The following CUEDC1 variants were observed in gnomAD, a reference collection of about 807,000 sequenced individuals.
CUEDC1 encodes CUE domain containing 1.
In CUEDC1, 30 loss-of-function variants were observed where a neutral mutation model predicts 43.7. The ratio of observed to expected loss-of-function variants is 0.69; its 90% confidence interval spans 0.51 to 0.93. The LOEUF is 0.93. CUEDC1 is among the 40% of genes least tolerant of loss of function. CUEDC1 has a pLI of 0.00. For synonymous variants in CUEDC1, 223 were observed against 223.6 expected (o/e 1.00, Z 0.02); for missense variants, 486 against 549.0 (o/e 0.89, Z 1.15).
At chr17:57,884,729 C>T (rs1240168001) in intron 2 of CUEDC1, among the ~76,000 whole-genome samples, 1 of 152,254 alleles carries the variant, frequency 6.6e-6, no homozygotes, top group Non-Finnish European at 1.5e-5. Context: ...TCTGGGAAGT[C>T]ACTCCTTTCT....
At chr17:57,867,538 C>T in intron 8 of CUEDC1, 123 bp from the exon 9 acceptor site, 1 of 833,272 alleles carries the variant, frequency 1.2e-6, no homozygotes, top group South Asian at 1.5e-5. Context: ...CCCACCTGAC[C>T]CCCCACACCC....
At chr17:57,891,626 A>C (rs1321692416) in intron 1 of CUEDC1, among the ~76,000 whole-genome samples, 1 of 152,224 alleles carries the variant, frequency 6.6e-6, no homozygotes, top group Non-Finnish European at 1.5e-5. Context: ...GTGCACGCAC[A>C]CATACAGACA....
At chr17:57,867,266 G>T in intron 9 of CUEDC1, 91 bp downstream of exon 9, 3 of 1,204,700 alleles carry the variant, frequency 2.5e-6, no homozygotes, top group Non-Finnish European at 3.6e-6. Context: ...CCAGGGGACA[G>T]GGCGGGTGCT....
At chr17:57,932,351 C>T (rs935818809) in intron 1 of CUEDC1, among the ~76,000 whole-genome samples, 2 of 150,256 alleles carry the variant, frequency 1.3e-5, no homozygotes, top group South Asian at 2.1e-4. Flanking sequence ...TTCAGGAGGC[C>T]GAGATGGGCA....
intron 2 of CUEDC1, among the ~76,000 whole-genome samples, chr17:57,881,113 G>A (rs2074198455): frequency 6.6e-6 from 1 of 152,218 alleles, no homozygotes; most frequent in African/African-American, 2.4e-5. Flanking sequence ...GCCATGCCCA[G>A]CACACACAGC....
chr17:57,865,629 T>G (rs1446280903), intron 10 of CUEDC1, among the ~76,000 whole-genome samples: 1 of 152,024 alleles, frequency 6.6e-6, no homozygotes, highest in African/African-American at 2.4e-5. Flanking sequence ...ATTTTCTTTT[T>G]CTCCCCAAGA....
chr17:57,876,273 C>A (rs968304163), intron 3 of CUEDC1, among the ~76,000 whole-genome samples: 1 of 152,170 alleles, frequency 6.6e-6, no homozygotes, highest in South Asian at 2.1e-4. Context: ...CCTCACCCGC[C>A]GTTAGGTACT....
intron 1 of CUEDC1, among the ~76,000 whole-genome samples, chr17:57,921,177 T>C (rs1170837134): frequency 6.6e-6 from 1 of 152,222 alleles, no homozygotes; most frequent in Admixed American, 6.5e-5. Context: ...CAGTCCAGAC[T>C]CTGCCCCTGA....
intron 1 of CUEDC1, among the ~76,000 whole-genome samples, chr17:57,894,749 G>A (rs1432188520): frequency 6.6e-6 from 1 of 152,174 alleles, no homozygotes; most frequent in African/African-American, 2.4e-5. Flanking sequence ...CAACACTTGT[G>A]GCCAAGTCTG....
intron 1 of CUEDC1, among the ~76,000 whole-genome samples, chr17:57,934,386 C>T (rs932409513): frequency 4.6e-5 from 7 of 151,112 alleles, no homozygotes; most frequent in Non-Finnish European, 8.9e-5. Flanking sequence ...AGCAAGACTC[C>T]GTCTCAAAAA....
In CUEDC1 at chr17:57,861,978, C is replaced by T. The variant is rs1198990211; in HGVS notation, c.*1311G>A. On this transcript the variant is annotated 3_prime_UTR_variant, in exon 11 of 11. Transcript: ENST00000577830. The stretch of plus-strand genomic sequence containing the variant: ...CTCCCCAAGCTCGGCGTTGCGAGTC[C>T]GGGCAGGGTGGGCGGGACGAGGTGC... 1.3e-5 allele frequency: 2 copies of T among 151,392 alleles called. No individual in the cohort carries two copies. Among genetic ancestry groups the T allele is most frequent in the Non-Finnish European group, 2.9e-5 (2 of 67,844 alleles). The allele number at this position is 151,392 out of a possible 1,614,324, so 9.4% of individuals were successfully genotyped here.
chr17:57,885,573 G>C lies in CUEDC1; in HGVS notation c.-9C>G. 1 of 1,348,160 alleles carries C rather than the reference G, an allele frequency of 7.4e-7. No individual in the cohort carries two copies. The highest frequency in any genetic ancestry group is 3.1e-5 in the East Asian group (1 of 32,534). 83.5% of individuals were successfully genotyped at this position (1,348,160 alleles called of 1,614,324 possible). A position where few individuals can be genotyped will look rare whatever the true frequency, so the allele number is the denominator to read the frequency against. ...CGGAACAGGCTGGTCATTTTGCGGAGCCGCTTGGGGAAAATGTTTCTAGCC... is the reference window on the plus strand; with the variant it reads ...CGGAACAGGCTGGTCATTTTGCGGACCCGCTTGGGGAAAATGTTTCTAGCC... On this transcript the variant is annotated 5_prime_UTR_variant, in exon 2 of 11. Coordinates refer to ENST00000577830, the MANE Select transcript of CUEDC1 (RefSeq NM_001271875.2).
chr17:57,914,610 G>C (rs931793567), intron 1 of CUEDC1, among the ~76,000 whole-genome samples: 10 of 152,190 alleles, frequency 6.6e-5, no homozygotes, highest in African/African-American at 2.4e-5. Context: ...TTAGAAAAGG[G>C]ACAGGGATAA....
At chr17:57,905,497 T>C (rs1242595099) in intron 1 of CUEDC1, among the ~76,000 whole-genome samples, 1 of 152,216 alleles carries the variant, frequency 6.6e-6, no homozygotes, top group African/African-American at 2.4e-5. Context: ...AAGATGGCTC[T>C]GGGCTGGAGG....
At chr17:57,944,198 T>TTATATA (rs201089332) in intron 1 of CUEDC1, among the ~76,000 whole-genome samples, 2 of 144,702 alleles carry the variant, frequency 1.4e-5, no homozygotes, top group Admixed American at 6.8e-5. Context: ...ATTTATTTTT[T>TTATATA]TATATATATA....
chr17:57,866,121 C>A (rs112699920), intron 10 of CUEDC1, among the ~76,000 whole-genome samples: 7 of 152,278 alleles, frequency 4.6e-5, no homozygotes, highest in Non-Finnish European at 7.4e-5. Context: ...CCGTGCCCAG[C>A]CAGTTTTTCT....
At chr17:57,920,348 C>T (rs1390411429) in intron 1 of CUEDC1, among the ~76,000 whole-genome samples, 1 of 152,186 alleles carries the variant, frequency 6.6e-6, no homozygotes, top group African/African-American at 2.4e-5. Context: ...AACCTCTAGT[C>T]TGGCTAATTT....
At chr17:57,873,763 C>T in intron 3 of CUEDC1, 46 bp from the exon 4 acceptor site, 1 of 1,496,538 alleles carries the variant, frequency 6.7e-7, no homozygotes, top group Non-Finnish European at 8.9e-7. Context: ...TTAAGCCCAA[C>T]CCCAGGTCTC....
chr17:57,881,350 C>T (rs2074201520), intron 2 of CUEDC1, among the ~76,000 whole-genome samples: 1 of 152,218 alleles, frequency 6.6e-6, no homozygotes, highest in Non-Finnish European at 1.5e-5. Context: ...GAATGTAGTG[C>T]TTGGCAGGCC....
Sources: gnomAD v4.1 joint callset for allele counts (sites outside exome capture counted in the v4.1 genomes callset) on GRCh38, gnomAD v4.1.1 for gene constraint, MANE v1.5 for transcripts, NCBI Gene and HGNC (gene_info 2026-07-23, HGNC 2026-07-21) for gene names.